AGTPBP1: variants seen among roughly 807,000 people sequenced by gnomAD.
AGTPBP1 encodes the protein ATP/GTP binding carboxypeptidase 1, also known as cytosolic carboxypeptidase 1.
A neutral mutation model predicts 143.9 loss-of-function variants in AGTPBP1; 70 were observed. The observed-to-expected ratio is 0.49, with a 90% CI of 0.40 to 0.59. The LOEUF (loss-of-function observed/expected upper bound fraction) is 0.59, where lower values mean the gene tolerates loss of function less well. Among genes scored for constraint, AGTPBP1 ranks in the 20% least tolerant of loss-of-function variants. The pLI is 0.00. For synonymous variants in AGTPBP1, 463 were observed against 500.2 expected (o/e 0.93, Z 0.99); for missense variants, 1,229 against 1,464.5 (o/e 0.84, Z 2.62).
At chr9:85,745,772 AG>A (rs1238421247), upstream of AGTPBP1, among the ~76,000 whole-genome samples, 2 of 152,212 alleles carry the variant, frequency 1.3e-5, no homozygotes, top group Non-Finnish European at 2.9e-5. Flanking sequence ...CCAAAGCAGG[AG>A]GATCAATTGG....
At chr9:85,790,677 C>CTATT in the AGTPBP1 span, among the ~76,000 whole-genome samples, 1 of 152,096 alleles carries the variant, frequency 6.6e-6, no homozygotes, top group Non-Finnish European at 1.5e-5. Context: ...AGAATTGGCA[C>CTATT]TATTTGAAAT....
At chr9:85,720,130 GT>G (rs1257111320) in intron 1 of AGTPBP1, among the ~76,000 whole-genome samples, 1 of 152,134 alleles carries the variant, frequency 6.6e-6, no homozygotes, top group Non-Finnish European at 1.5e-5. Context: ...CTCTTTTATT[GT>G]TGTGTCTCTG....
At chr9:85,725,502 A>G (rs1838414564) in intron 1 of AGTPBP1, among the ~76,000 whole-genome samples, 1 of 152,096 alleles carries the variant, frequency 6.6e-6, no homozygotes. Context: ...GCTAATGAAC[A>G]TCAGCCTCTC....
At chr9:85,710,856 T>C (rs1355796301) in intron 2 of AGTPBP1, among the ~76,000 whole-genome samples, 2 of 152,188 alleles carry the variant, frequency 1.3e-5, no homozygotes, top group African/African-American at 4.8e-5. Context: ...AATAGCATTA[T>C]TTGTTTGACC....
the AGTPBP1 span, chr9:85,764,799 C>T: frequency 3.8e-6 from 5 of 1,324,026 alleles, no homozygotes; most frequent in Middle Eastern, 3.6e-4. Context: ...CAGACCAGTA[C>T]AGCTGAGGAG....
chr9:85,673,430 T>C (rs1054417576), intron 6 of AGTPBP1, among the ~76,000 whole-genome samples: 13 of 152,088 alleles, frequency 8.5e-5, no homozygotes, highest in Non-Finnish European at 1.8e-4. Context: ...TTTTCTGACT[T>C]GTAAAAAAAT....
chr9:85,587,233 A>C (rs548070130), intron 21 of AGTPBP1, among the ~76,000 whole-genome samples: 1 of 152,324 alleles, frequency 6.6e-6, no homozygotes, highest in South Asian at 2.1e-4. Context: ...AAGTATAGAA[A>C]AAATTCTTAA....
At chr9:85,683,763 A>C (rs1408632579) in intron 3 of AGTPBP1, among the ~76,000 whole-genome samples, 1 of 151,978 alleles carries the variant, frequency 6.6e-6, no homozygotes, top group Non-Finnish European at 1.5e-5. Flanking sequence ...CTTAATCCCT[A>C]ATCTTCTACT....
chr9:85,636,712 G>T (rs937271122), intron 13 of AGTPBP1, among the ~76,000 whole-genome samples: 2 of 152,004 alleles, frequency 1.3e-5, no homozygotes, highest in African/African-American at 4.8e-5. Context: ...GGAGTAAAAA[G>T]GTCTACGTTC....
At chr9:85,798,359 GTTC>G in the AGTPBP1 span, among the ~76,000 whole-genome samples, 1 of 100,876 alleles carries the variant, frequency 9.9e-6, no homozygotes, top group Non-Finnish European at 1.8e-5. Context: ...TTTCCTCCAA[GTTC>G]TTTTTTTTTT....
the AGTPBP1 span, among the ~76,000 whole-genome samples, chr9:85,799,038 G>C: frequency 6.6e-6 from 1 of 152,062 alleles, no homozygotes; most frequent in South Asian, 2.1e-4. Flanking sequence ...GTGTCCAAAT[G>C]TTCTCATTGT....
At chr9:85,549,658 G>C (rs549725729) in intron 25 of AGTPBP1, among the ~76,000 whole-genome samples, 1 of 152,310 alleles carries the variant, frequency 6.6e-6, no homozygotes, top group African/African-American at 2.4e-5. Flanking sequence ...GGATGCCCAG[G>C]ATAGAGCTAA....
intron 11 of AGTPBP1, among the ~76,000 whole-genome samples, chr9:85,651,691 A>G (rs1005127437): frequency 2.0e-5 from 3 of 152,216 alleles, no homozygotes; most frequent in African/African-American, 7.2e-5. Context: ...ATACCTAAGA[A>G]TATGTCACCT....
At position 85,588,366 on chromosome 9, in the gene AGTPBP1, C is replaced by G; in HGVS notation, c.2835G>C (p.Gln945His). The G allele has an allele frequency of 6.2e-7, 1 of 1,613,172 alleles. No homozygotes were observed. The highest frequency in any genetic ancestry group is 8.5e-7 in the Non-Finnish European group (1 of 1,179,564). Residue 945 changes from glutamine (Q) to histidine (H), a missense_variant, in exon 21 of 26, where the codon CAG (glutamine) becomes CAC (histidine). Coordinates refer to ENST00000357081, the MANE Select transcript of AGTPBP1 (RefSeq NM_001330701.2). ...EYLMSNNPTA[Q>H]SLRESYIFKI... ...TAAAAATATAAGATTCTCGTAAGCT[C>G]TGAGCAGTGGGGTTATTGCTCATGA... is the stretch of plus-strand genomic sequence containing the variant.
the AGTPBP1 span, among the ~76,000 whole-genome samples, chr9:85,804,979 C>G: frequency 2.6e-5 from 4 of 152,060 alleles, no homozygotes; most frequent in African/African-American, 9.7e-5. Context: ...GTGATCCTGC[C>G]TTGCTGCGGG....
At chr9:85,617,113 T>A (rs1224699480) in intron 17 of AGTPBP1, among the ~76,000 whole-genome samples, 2 of 152,140 alleles carry the variant, frequency 1.3e-5, no homozygotes, top group East Asian at 3.8e-4. Flanking sequence ...ATATCTTATC[T>A]TCCACATAAA....
chr9:85,709,500 C>T (rs192609161), intron 2 of AGTPBP1, among the ~76,000 whole-genome samples: 1 of 152,178 alleles, frequency 6.6e-6, no homozygotes, highest in East Asian at 1.9e-4. Context: ...TAAAGGTTAT[C>T]CAGGGTAAGG....
At chr9:85,593,918 G>A (rs760094297) in intron 18 of AGTPBP1, among the ~76,000 whole-genome samples, 6 of 152,048 alleles carry the variant, frequency 3.9e-5, no homozygotes, top group Non-Finnish European at 5.9e-5. Context: ...TATTATTTAA[G>A]CCATGAAATG....
intron 2 of AGTPBP1, among the ~76,000 whole-genome samples, chr9:85,701,254 G>C (rs372525703): frequency 9.9e-4 from 146 of 147,632 alleles, no homozygotes; most frequent in Middle Eastern, 3.6e-3. Context: ...TTTTGAGATG[G>C]AGTCTTGCTC....
Sources: allele counts gnomAD v4.1 joint callset (sites outside exome capture counted in the v4.1 genomes callset), GRCh38; gene constraint gnomAD v4.1.1; transcripts MANE v1.5; gene names NCBI Gene and HGNC (gene_info 2026-07-23, HGNC 2026-07-21).